ARIH1: variants seen among roughly 807,000 people sequenced by gnomAD.
ARIH1 encodes ariadne RBR E3 ubiquitin protein ligase 1.
ARIH1 carries 8 observed loss-of-function variants against 85.0 expected under a neutral mutation model. That is an observed-to-expected ratio of 0.09 (90% CI 0.06 to 0.17). The LOEUF (loss-of-function observed/expected upper bound fraction) is 0.17, where lower values mean the gene tolerates loss of function less well. Ranked by LOEUF, ARIH1 falls within the 10% of genes least tolerant of loss-of-function variation. The pLI is 1.00. For missense variants in ARIH1, 311 were observed against 718.1 expected, an observed-to-expected ratio of 0.43 and a Z score of 6.48; for synonymous variants, 238 against 253.6, an observed-to-expected ratio of 0.94 and a Z score of 0.59.
intron 6 of ARIH1, among the ~76,000 whole-genome samples, chr15:72,562,506 G>A (rs1046780720): frequency 1.3e-5 from 2 of 151,930 alleles, no homozygotes; most frequent in Non-Finnish European, 2.9e-5. Flanking sequence ...GAATTCTGGT[G>A]CAGAGTGTTT....
At chr15:72,575,944 A>G (rs2064269116) in intron 11 of ARIH1, among the ~76,000 whole-genome samples, 1 of 152,126 alleles carries the variant, frequency 6.6e-6, no homozygotes, top group South Asian at 2.1e-4. Context: ...CCTGGGCCCA[A>G]GTGGTCCTCC....
chr15:72,529,198 C>CAA (rs1158206167), intron 2 of ARIH1, among the ~76,000 whole-genome samples: 2 of 140,966 alleles, frequency 1.4e-5, no homozygotes, highest in Non-Finnish European at 3.1e-5. Context: ...GACTCCGTCT[C>CAA]AAAAAAAAAA....
In ARIH1 at chr15:72,476,595, C is replaced by T. The variant is rs2063795999; in HGVS notation, c.375+1581C>T. Among the ~76,000 whole-genome samples the T allele has an allele frequency of 6.6e-5, 10 of 151,966 alleles. No homozygotes were observed. The South Asian group carries it at 2.1e-3, about 32-fold the overall frequency. Reference sequence around the variant, plus strand: ...GGCCAGGCTGGTTTCGAACTCCTGACCTTGTGATCCGCCTGCCTCGGCCTC... The same window carrying T: ...GGCCAGGCTGGTTTCGAACTCCTGATCTTGTGATCCGCCTGCCTCGGCCTC... On this transcript the variant is annotated intron_variant, in intron 1 of 13. Coordinates refer to ENST00000379887, the MANE Select transcript of ARIH1 (RefSeq NM_005744.5).
chr15:72,521,211 C>A (rs1437038797), intron 2 of ARIH1, among the ~76,000 whole-genome samples: 2 of 125,870 alleles, frequency 1.6e-5, no homozygotes, highest in East Asian at 2.5e-4. Flanking sequence ...CCCCCCCCCC[C>A]CCTTTTCTGG....
At chr15:72,547,052 C>T (rs975309869) in intron 3 of ARIH1, among the ~76,000 whole-genome samples, 13 of 151,740 alleles carry the variant, frequency 8.6e-5, no homozygotes, top group Non-Finnish European at 1.6e-4. Context: ...CTCAGCCTCC[C>T]GAGTAGCTGG....
intron 1 of ARIH1, among the ~76,000 whole-genome samples, chr15:72,491,009 G>A (rs113263393): frequency 0.049 from 7,416 of 152,082 alleles, 247 homozygotes; most frequent in African/African-American, 0.096. Flanking sequence ...CCAGCTACTC[G>A]GGAGGCTGAG....
chr15:72,551,552 A>G (rs2064152968), intron 3 of ARIH1, among the ~76,000 whole-genome samples: 3 of 152,252 alleles, frequency 2.0e-5, no homozygotes, highest in South Asian at 4.1e-4. Flanking sequence ...TATTTGATAC[A>G]TGGTGTTAGA....
chr15:72,562,502 T>C (rs2140432497), intron 6 of ARIH1, among the ~76,000 whole-genome samples: 1 of 152,300 alleles, frequency 6.6e-6, no homozygotes, highest in Middle Eastern at 3.4e-3. Context: ...TTCTGAATTC[T>C]GGTGCAGAGT....
At chr15:72,570,349 A>G (rs556370374) in intron 10 of ARIH1, 42 bp downstream of exon 10, 2 of 1,610,094 alleles carry the variant, frequency 1.2e-6, no homozygotes, top group South Asian at 1.1e-5. Context: ...TTACATAAGT[A>G]TGTGCCATGT....
intron 2 of ARIH1, among the ~76,000 whole-genome samples, chr15:72,541,708 T>G (rs1459216748): frequency 6.6e-6 from 1 of 152,070 alleles, no homozygotes; most frequent in Non-Finnish European, 1.5e-5. Context: ...AATAGGAAAT[T>G]TGGGTATATA....
intron 12 of ARIH1, 150 bp downstream of exon 12, chr15:72,581,141 C>A (rs1054897656): frequency 2.3e-5 from 20 of 884,814 alleles, no homozygotes; most frequent in Middle Eastern, 7.1e-4. Flanking sequence ...CAAGAAATTT[C>A]TATTTCTTGT....
chr15:72,519,117 A>G (rs1052819213), intron 2 of ARIH1, among the ~76,000 whole-genome samples: 1 of 152,146 alleles, frequency 6.6e-6, no homozygotes, highest in Non-Finnish European at 1.5e-5. Flanking sequence ...TGAGGTTGAC[A>G]ACTTATGTTT....
At chr15:72,554,349 T>C (rs2140428757) in intron 3 of ARIH1, among the ~76,000 whole-genome samples, 1 of 152,276 alleles carries the variant, frequency 6.6e-6, no homozygotes, top group Non-Finnish European at 1.5e-5. Flanking sequence ...GTACGAAGGC[T>C]CCAATTTTTC....
intron 2 of ARIH1, among the ~76,000 whole-genome samples, chr15:72,532,446 A>T (rs2064061805): frequency 6.6e-6 from 1 of 152,198 alleles, no homozygotes; most frequent in South Asian, 2.1e-4. Flanking sequence ...AAATGTTCTT[A>T]TAAAGAAAAG....
intron 1 of ARIH1, 164 bp downstream of exon 1, chr15:72,475,178 A>C: frequency 7.4e-7 from 1 of 1,347,596 alleles, no homozygotes; most frequent in Non-Finnish European, 9.6e-7. Flanking sequence ...GGGTGTCGAA[A>C]GCAGAGGTTC....
intron 1 of ARIH1, among the ~76,000 whole-genome samples, chr15:72,504,084 C>T (rs536147518): frequency 1.7e-3 from 265 of 152,246 alleles, no homozygotes; most frequent in African/African-American, 6.1e-3. Context: ...GATGGAGTTT[C>T]GCCCTTGTCG....
intron 7 of ARIH1, among the ~76,000 whole-genome samples, chr15:72,565,093 C>G (rs1202487100): frequency 6.6e-6 from 1 of 152,092 alleles, no homozygotes; most frequent in Non-Finnish European, 1.5e-5. Flanking sequence ...GAGAGAGGGT[C>G]TCACTCCATC....
chr15:72,487,707 A>G (rs1313919139), intron 1 of ARIH1, among the ~76,000 whole-genome samples: 2 of 151,926 alleles, frequency 1.3e-5, no homozygotes, highest in African/African-American at 4.8e-5. Context: ...CCTTTTTACT[A>G]ACTAATCCTA....
Position 72,583,349 on chromosome 15 carries a change from A to C in ARIH1, c.*57A>C. Reference sequence around the variant, plus strand: ...CTTTACCATCTAGAGTGCTCATGCAATTAAAACAAAACAAACACAAACAAG... The same window carrying C: ...CTTTACCATCTAGAGTGCTCATGCACTTAAAACAAAACAAACACAAACAAG... On this transcript the variant is annotated 3_prime_UTR_variant, in exon 14 of 14. Coordinates refer to ENST00000379887, the MANE Select transcript of ARIH1 (RefSeq NM_005744.5). 2.1e-6 allele frequency: 3 copies of C among 1,413,852 alleles called. No homozygotes were observed. The highest frequency in any genetic ancestry group is 3.0e-6 in the Non-Finnish European group (3 of 1,007,952). 87.6% of individuals were successfully genotyped at this position (1,413,852 alleles called of 1,614,324 possible). A position where few individuals can be genotyped will look rare whatever the true frequency, so the allele number is the denominator to read the frequency against.
Sources: allele counts gnomAD v4.1 joint callset (sites outside exome capture counted in the v4.1 genomes callset), GRCh38; gene constraint gnomAD v4.1.1; transcripts MANE v1.5; gene names NCBI Gene and HGNC (gene_info 2026-07-23, HGNC 2026-07-21).